Variants in SEC31B observed in about 807,000 individuals in gnomAD.
SEC31B encodes protein transport protein Sec31B.
SEC31B carries 113 observed loss-of-function variants against 135.0 expected under a neutral mutation model. The ratio of observed to expected loss-of-function variants is 0.84; its 90% CI spans 0.72 to 0.98. The LOEUF (loss-of-function observed/expected upper bound fraction) is 0.98, where lower values mean the gene tolerates loss of function less well. SEC31B is among the 50% of genes least tolerant of loss of function. SEC31B has a pLI of 0.00. For synonymous variants in SEC31B, 508 were observed against 549.4 expected (o/e 0.92, Z 1.05); for missense variants, 1,296 against 1,421.1 (o/e 0.91, Z 1.42).
At chr10:100,505,552 C>A in intron 9 of SEC31B, 57 bp from the exon 10 acceptor site, 1 of 1,501,938 alleles carries the variant, frequency 6.7e-7, no homozygotes, top group East Asian at 2.4e-5. Context: ...GTCAGGAACT[C>A]CACCTACAAA....
chr10:100,501,994 C>CAG (rs1851532977), intron 11 of SEC31B, among the ~76,000 whole-genome samples: 1 of 152,234 alleles, frequency 6.6e-6, no homozygotes, highest in African/African-American at 2.4e-5. Flanking sequence ...CCTAGGACAT[C>CAG]AACCATAGTA....
chr10:100,498,082 G>A lies in SEC31B; in HGVS notation c.1810C>T (p.Leu604=). 1.2e-6 allele frequency: 2 copies of A among 1,614,176 alleles called. No individual in the cohort carries two copies. Among genetic ancestry groups the A allele is most frequent in the South Asian group, 2.2e-5 (2 of 91,082 alleles). ...AAGTAGCGCTCCTGTGTTTGCTTCA[G>A]CAGATCTGTACCCCCAGCCTGGGCC... The part of the protein sequence containing the change: ...ILAQAGGTDL[L]KQTQERYLAK... Residue 604 remains leucine (L), a synonymous_variant, in exon 15 of 26, where the codon CTG becomes TTG. Transcript: ENST00000370345.
At chr10:100,507,275 G>C in intron 7 of SEC31B, 150 bp downstream of exon 7, 1 of 890,590 alleles carries the variant, frequency 1.1e-6, no homozygotes, top group South Asian at 1.6e-5. Context: ...GTTAAGGCTG[G>C]AGTAGGTATT....
chr10:100,490,533 T>A, intron 20 of SEC31B, 173 bp downstream of exon 20: 1 of 852,420 alleles, frequency 1.2e-6, no homozygotes, highest in South Asian at 2.0e-5. Context: ...ACACAACACT[T>A]TGGTATATTG....
chr10:100,498,218 A>G lies in SEC31B; in HGVS notation c.1685-11T>C. The stretch of plus-strand genomic sequence containing the variant: ...GGAGTCCATCAATATCTGCAGGCAG[A>G]AGCATCCCCTGTGCATTAGTTGCTC... On this transcript the variant is annotated splice_polypyrimidine_tract_variant and intron_variant, in intron 14 of 25. Transcript: ENST00000370345. The G allele has an allele frequency of 6.2e-7, 1 of 1,613,980 alleles. No homozygotes were observed.
intron 3 of SEC31B, among the ~76,000 whole-genome samples, chr10:100,513,116 A>G (rs1324761351): frequency 1.3e-5 from 2 of 152,242 alleles, no homozygotes; most frequent in Non-Finnish European, 2.9e-5. Flanking sequence ...AACAGAATGA[A>G]GTGGGTGTCT....
chr10:100,505,551 T>A, intron 9 of SEC31B, 56 bp from the exon 10 acceptor site: 1 of 1,502,264 alleles, frequency 6.7e-7, no homozygotes, highest in Non-Finnish European at 8.8e-7. Flanking sequence ...AGTCAGGAAC[T>A]CCACCTACAA....
At chr10:100,492,993 T>C (rs987310033) in intron 19 of SEC31B, among the ~76,000 whole-genome samples, 1 of 152,224 alleles carries the variant, frequency 6.6e-6, no homozygotes, top group Non-Finnish European at 1.5e-5. Context: ...GTTAGGAACT[T>C]GTATTTGAAT....
chr10:100,490,160 G>A lies in SEC31B; in HGVS notation c.2813C>T (p.Pro938Leu), dbSNP rs1291184553. Residue 938 changes from proline to leucine, a missense_variant, in exon 21 of 26, where the codon CCT becomes CTT. Physicochemically the swap from Pro to Leu is moderately conservative, Grantham distance 98. Transcript: ENST00000370345. ...TSLPETPRLF[P>L]LLPLRPLGPG... ...ACCTAGTGGTCTCAGAGGAAGCAGA[G>A]GGAACAGTCTAGGAGTCTCAGGCAG... is the stretch of plus-strand genomic sequence containing the variant. 10 of 1,600,986 alleles carry A rather than the reference G, an allele frequency of 6.2e-6. No individual in the cohort carries two copies. The highest frequency in any genetic ancestry group is 8.5e-6 in the Non-Finnish European group (10 of 1,174,228).
rs1424114578 is a variant in SEC31B, at chr10:100,508,037, G to A, written c.510C>T (p.Asp170=). 1.2e-6 allele frequency: 2 copies of A among 1,614,222 alleles called. No individual in the cohort carries two copies. The highest frequency in any genetic ancestry group is 1.1e-5 in the South Asian group (1 of 91,084). ...GCCGGTTCCAAGACAGTGCCTTGATGTCCTCTGGAGGCTGCTAAGGCAGGA... is the reference window on the plus strand; with the variant it reads ...GCCGGTTCCAAGACAGTGCCTTGATATCCTCTGGAGGCTGCTAAGGCAGGA... ...LGSKSQQPPE[D]IKALSWNRQA... is the part of the protein sequence containing the mutation. The change falls in exon 6 of 26, where the codon GAC becomes GAT. Residue 170 remains aspartate (D), a synonymous_variant. Transcript: ENST00000370345.
Position 100,495,605 on chromosome 10 carries a change from T to G in SEC31B, c.2311-59A>C, listed in dbSNP as rs548239330. On this transcript the variant is annotated intron_variant, in intron 18 of 25. Transcript: ENST00000370345. ...AAATTAAAACAATCAAGGCCCCAGG[T>G]AGCAGTCAAATTTCAGCTGACCCTC... The G allele has an allele frequency of 1.4e-5, 22 of 1,543,918 alleles. No homozygotes were observed. The African/African-American group carries it at 1.9e-4, about 13-fold the overall frequency.
intron 5 of SEC31B, 143 bp downstream of exon 5, chr10:100,508,864 A>G (rs750878417): frequency 3.0e-6 from 2 of 659,134 alleles, no homozygotes; most frequent in Admixed American, 2.7e-5. Flanking sequence ...TCTGGCTGGT[A>G]GCATGTTAGT....
intron 3 of SEC31B, 30 bp downstream of exon 3, chr10:100,516,066 C>T (rs1375215788): frequency 5.0e-6 from 8 of 1,613,306 alleles, no homozygotes; most frequent in South Asian, 1.1e-5. Context: ...AGTATCTACC[C>T]TGTATACCCA....
chr10:100,499,563 T>C lies in SEC31B; in HGVS notation c.1446A>G (p.Leu482=), dbSNP rs1029804045. 4 of 1,612,568 alleles carry C rather than the reference T, an allele frequency of 2.5e-6. No homozygotes were observed. The highest frequency in any genetic ancestry group is 1.3e-5 in the African/African-American group (1 of 74,972). The change falls in exon 12 of 26, where the codon CTA becomes CTG. Residue 482 remains leucine, a synonymous_variant. Coordinates refer to ENST00000370345, the MANE Select transcript of SEC31B (RefSeq NM_015490.4). The stretch of plus-strand genomic sequence containing the variant: ...CATCTTTACTGTATCCTAAAAGCTT[T>C]AGGAATTTCATTCTGGAGTCTTGCT... The part of the protein sequence containing the change: ...TLEQDSRMKF[L]KLLGYSKDEL...
chr10:100,509,626 C>T, intron 3 of SEC31B, 115 bp from the exon 4 acceptor site: 1 of 751,016 alleles, frequency 1.3e-6, no homozygotes, highest in South Asian at 2.1e-5. Context: ...CTAGCTGGAA[C>T]TTGCCTGTCT....
In SEC31B at chr10:100,490,746, C is replaced by T. The variant is rs1564648119; in HGVS notation, c.2610G>A (p.Gln870=). The part of the protein sequence containing the change: ...NISDYRAPGP[Q]AIQPLPLSPG... ...GGCTCAAAGGCAAAGGCTGGATGGCCTGGGGCCCAGGTGCCCTGTAGTCAC... is the reference window on the plus strand; with the variant it reads ...GGCTCAAAGGCAAAGGCTGGATGGCTTGGGGCCCAGGTGCCCTGTAGTCAC... Residue 870 remains glutamine, a synonymous_variant, in exon 20 of 26, where the codon CAG becomes CAA. Transcript: ENST00000370345. The T allele has an allele frequency of 4.4e-6, 7 of 1,604,398 alleles. No homozygotes were observed. Among genetic ancestry groups the T allele is most frequent in the Non-Finnish European group, 6.0e-6 (7 of 1,174,380 alleles).
At chr10:100,496,862 G>A (rs1437153650) in intron 17 of SEC31B, among the ~76,000 whole-genome samples, 3 of 152,130 alleles carry the variant, frequency 2.0e-5, no homozygotes, top group African/African-American at 7.2e-5. Flanking sequence ...TAATAGAAGG[G>A]CCAAGCCACA....
intron 1 of SEC31B, among the ~76,000 whole-genome samples, chr10:100,519,547 G>A (rs563439555): frequency 3.0e-4 from 46 of 152,380 alleles, no homozygotes; most frequent in African/African-American, 9.9e-4. Flanking sequence ...AGTGAACAGG[G>A]AGACCCTCAT....
intron 16 of SEC31B, 45 bp downstream of exon 16, chr10:100,497,622 G>A (rs746374204): frequency 3.1e-6 from 5 of 1,613,860 alleles, no homozygotes; most frequent in Non-Finnish European, 3.4e-6. Flanking sequence ...TTGACTCCAT[G>A]CTGGAGTCAC....
Sources: allele counts gnomAD v4.1 joint callset (sites outside exome capture counted in the v4.1 genomes callset), GRCh38; gene constraint gnomAD v4.1.1; transcripts MANE v1.5; gene names NCBI Gene and HGNC (gene_info 2026-07-23, HGNC 2026-07-21).